Variants in EHD4 observed in about 807,000 individuals in gnomAD.
EHD4 encodes the protein EH domain-containing protein 4.
Under a neutral mutation model 51.0 loss-of-function variants are expected in EHD4, and 37 were observed. The observed-to-expected ratio is 0.73, with a 90% confidence interval of 0.56 to 0.95. The LOEUF (loss-of-function observed/expected upper bound fraction) is 0.95, where lower values mean the gene tolerates loss of function less well. Among genes scored for constraint, EHD4 ranks in the 40% least tolerant of loss-of-function variants. The pLI is 0.00. For synonymous variants in EHD4, 297 were observed against 317.3 expected, an observed-to-expected ratio of 0.94 and a Z score of 0.68; for missense variants, 632 against 733.1, an observed-to-expected ratio of 0.86 and a Z score of 1.59.
At chr15:41,926,989 A>C (rs2067666804) in intron 3 of EHD4, among the ~76,000 whole-genome samples, 2 of 152,230 alleles carry the variant, frequency 1.3e-5, no homozygotes, top group Non-Finnish European at 1.5e-5. Context: ...GCCTGAGAGC[A>C]GGGCCAAGTC....
At chr15:41,949,038 A>ATG (rs2067834772) in intron 2 of EHD4, among the ~76,000 whole-genome samples, 1 of 133,662 alleles carries the variant, frequency 7.5e-6, no homozygotes, top group Non-Finnish European at 1.6e-5. Flanking sequence ...ATATATATAT[A>ATG]TATATATATA....
chr15:41,924,495 A>G (rs2067648331), intron 3 of EHD4, among the ~76,000 whole-genome samples: 1 of 152,256 alleles, frequency 6.6e-6, no homozygotes, highest in South Asian at 2.1e-4. Flanking sequence ...TGAAGCATTT[A>G]GAATCACCTT....
intron 5 of EHD4, among the ~76,000 whole-genome samples, chr15:41,907,864 GTGTGTGTATA>G (rs71108139): frequency 0.1 from 12,163 of 118,484 alleles, 581 homozygotes; most frequent in South Asian, 0.15. Flanking sequence ...GTGTGTGTGT[GTGTGTGTATA>G]TATTTATTTA....
At chr15:41,959,776 T>C (rs1434763597) in intron 1 of EHD4, among the ~76,000 whole-genome samples, 1 of 151,990 alleles carries the variant, frequency 6.6e-6, no homozygotes, top group Non-Finnish European at 1.5e-5. Context: ...AAGGCCACCC[T>C]GTGGCAAACA....
intron 3 of EHD4, among the ~76,000 whole-genome samples, chr15:41,923,252 G>A (rs573428825): frequency 5.3e-5 from 8 of 152,040 alleles, no homozygotes; most frequent in Non-Finnish European, 8.8e-5. Flanking sequence ...TTTTGTGCCC[G>A]GCTTCTTTCA....
chr15:41,925,239 C>T (rs1359691937), intron 3 of EHD4, among the ~76,000 whole-genome samples: 1 of 152,134 alleles, frequency 6.6e-6, no homozygotes, highest in Non-Finnish European at 1.5e-5. Flanking sequence ...CATCAAGGGG[C>T]TACATACCTA....
rs1303545619 is a variant in EHD4 at position 41,900,953 on chromosome 15, C to G, written c.1318G>C (p.Glu440Gln). The change falls in exon 6 of 6, where the codon GAG becomes CAG. Residue 440 changes from glutamate (E) to glutamine (Q), a missense_variant. Transcript: ENST00000220325. This position sits in a 1 kb window ranked among gnomAD's most constrained non-coding sequence, Gnocchi z 4.8. ...TTGTCTTTGGCCACGACCCACTCCT[C>G]CTCGTCGGCGCCCTCCTTGGCACCC... is the stretch of plus-strand genomic sequence containing the variant. ...GEGAKEGADE[E>Q]EWVVAKDKPV... 6.2e-7 allele frequency: 1 copy of G among 1,613,306 alleles called. No individual in the cohort carries two copies. Among genetic ancestry groups the G allele is most frequent in the South Asian group, 1.1e-5 (1 of 91,062 alleles).
Position 41,897,108 on chromosome 15 carries a change from C to A in EHD4, c.*3537G>T, listed in dbSNP as rs956723012. On this transcript the variant is annotated 3_prime_UTR_variant, in exon 6 of 6. Coordinates refer to ENST00000220325, the MANE Select transcript of EHD4 (RefSeq NM_139265.4). ...AAAAAGAAAAAAAATAGAAGCATTG[C>A]GTATTAACTGCATTGGTTAACCAAC... 1 of 152,164 alleles carries A rather than the reference C, an allele frequency of 6.6e-6. No homozygotes were observed. The highest frequency in any genetic ancestry group is 2.4e-5 in the African/African-American group (1 of 41,424). 9.4% of individuals were successfully genotyped at this position (152,164 alleles called of 1,614,324 possible). A position where few individuals can be genotyped will look rare whatever the true frequency, so the allele number is the denominator to read the frequency against.
intron 3 of EHD4, among the ~76,000 whole-genome samples, chr15:41,927,980 T>C (rs1483316487): frequency 6.6e-6 from 1 of 152,198 alleles, no homozygotes; most frequent in African/African-American, 2.4e-5. Context: ...AAAAGGGTTG[T>C]TACTAACTAG....
intron 3 of EHD4, among the ~76,000 whole-genome samples, chr15:41,930,856 A>C (rs1023991491): frequency 1.3e-5 from 2 of 152,248 alleles, no homozygotes; most frequent in Admixed American, 1.3e-4. Flanking sequence ...GATTTTGCTA[A>C]AAGTAGCCCA....
At chr15:41,930,040 T>C (rs2067688288) in intron 3 of EHD4, among the ~76,000 whole-genome samples, 1 of 152,230 alleles carries the variant, frequency 6.6e-6, no homozygotes, top group Admixed American at 6.5e-5. Flanking sequence ...TTGGGCCAAT[T>C]TGAAGGTCCT....
chr15:41,923,867 C>T (rs1185547057), intron 3 of EHD4, among the ~76,000 whole-genome samples: 1 of 152,228 alleles, frequency 6.6e-6, no homozygotes, highest in African/African-American at 2.4e-5. Flanking sequence ...CCCAAGCTCC[C>T]TGCTTTTGCC....
At chr15:41,927,370 T>C (rs2067669841) in intron 3 of EHD4, among the ~76,000 whole-genome samples, 2 of 152,276 alleles carry the variant, frequency 1.3e-5, no homozygotes, top group African/African-American at 2.4e-5. Context: ...TGCAGCATTA[T>C]TGGCATCATT....
intron 3 of EHD4, among the ~76,000 whole-genome samples, chr15:41,924,110 T>G (rs2067645749): frequency 6.6e-6 from 1 of 152,260 alleles, no homozygotes; most frequent in African/African-American, 2.4e-5. Context: ...TTCAGCAAAT[T>G]TGAGCTGTGG....
intron 3 of EHD4, among the ~76,000 whole-genome samples, chr15:41,936,352 A>G (rs559911317): frequency 4.8e-4 from 73 of 152,318 alleles, no homozygotes; most frequent in Middle Eastern, 3.4e-3. Flanking sequence ...CTTCTCTTCT[A>G]TAAAATGGGA....
At chr15:41,905,754 T>G (rs2067508292) in intron 5 of EHD4, among the ~76,000 whole-genome samples, 1 of 152,208 alleles carries the variant, frequency 6.6e-6, no homozygotes, top group African/African-American at 2.4e-5. Context: ...CATAGCAGCC[T>G]CGACCTCCGG....
intron 1 of EHD4, among the ~76,000 whole-genome samples, chr15:41,954,733 G>A (rs567967491): frequency 2.1e-3 from 327 of 152,146 alleles, no homozygotes; most frequent in Non-Finnish European, 3.6e-3. Flanking sequence ...GACCTCCTGG[G>A]CTCCAACAAT....
Position 41,919,299 on chromosome 15 carries a change from G to C in EHD4, c.835C>G (p.Gln279Glu). The C allele has an allele frequency of 6.2e-7, 1 of 1,614,178 alleles. No individual in the cohort carries two copies. Among genetic ancestry groups the C allele is most frequent in the Non-Finnish European group, 8.5e-7 (1 of 1,180,026 alleles). The change falls in exon 4 of 6, where the codon CAG (glutamine) becomes GAG (glutamate). Residue 279 changes from glutamine (Q) to glutamate (E), a missense_variant. Gln to Glu is a conservative substitution (Grantham distance 29). Coordinates refer to ENST00000220325, the MANE Select transcript of EHD4 (RefSeq NM_139265.4). ...DNRRLFEAEA[Q>E]DLFRDIQSLP... Reference sequence around the variant, plus strand: ...CTCTGGATGTCTCTAAAGAGGTCCTGGGCCTCAGCCTCGAAGAGCCGGCGG... The same window carrying C: ...CTCTGGATGTCTCTAAAGAGGTCCTCGGCCTCAGCCTCGAAGAGCCGGCGG...
intron 3 of EHD4, among the ~76,000 whole-genome samples, 186 bp from the exon 4 acceptor site, chr15:41,919,808 G>C (rs562689421): frequency 6.6e-6 from 1 of 151,974 alleles, no homozygotes; most frequent in South Asian, 2.1e-4. Flanking sequence ...AAGGACCTGG[G>C]GAGCCCTTCC....
Sources: allele counts gnomAD v4.1 joint callset (sites outside exome capture counted in the v4.1 genomes callset), GRCh38; gene constraint gnomAD v4.1.1; non-coding constraint Gnocchi (gnomAD v3.1); transcripts MANE v1.5; gene names NCBI Gene and HGNC (gene_info 2026-07-23, HGNC 2026-07-21).